The following DNAH5 variants were observed in gnomAD, a reference collection of about 807,000 sequenced individuals.
The protein encoded by DNAH5 is axonemal beta dynein heavy chain 5.
Under a neutral mutation model 518.2 loss-of-function variants are expected in DNAH5, and 372 were observed. The ratio of observed to expected loss-of-function variants is 0.72; its 90% confidence interval spans 0.66 to 0.78. The LOEUF (loss-of-function observed/expected upper bound fraction) is 0.78, where lower values mean the gene tolerates loss of function less well. DNAH5 is among the 30% of genes least tolerant of loss of function. The pLI is 0.00. For synonymous variants in DNAH5, 2,039 were observed against 2,025.9 expected (o/e 1.01, Z -0.17); for missense variants, 5,523 against 5,687.0 (o/e 0.97, Z 0.93).
chr5:13,871,477 G>T, intron 23 of DNAH5, 87 bp downstream of exon 23: 1 of 1,197,750 alleles, frequency 8.3e-7, no homozygotes, highest in Non-Finnish European at 1.2e-6. Flanking sequence ...TTTAAGACAG[G>T]TAGAACTCTC....
intron 1 of DNAH5, among the ~76,000 whole-genome samples, chr5:14,002,840 T>C (rs1008574549): frequency 2.2e-4 from 33 of 151,680 alleles, no homozygotes; most frequent in African/African-American, 7.7e-4. Context: ...TTAATAAATA[T>C]ATATATTTAT....
intron 76 of DNAH5, among the ~76,000 whole-genome samples, chr5:13,706,267 G>C (rs1340622356): frequency 1.3e-5 from 2 of 152,194 alleles, no homozygotes. Context: ...TTTCTGTCTT[G>C]ATTTCCCCCT....
chr5:13,701,484 C>T, intron 76 of DNAH5, 48 bp from the exon 77 acceptor site: 1 of 1,484,426 alleles, frequency 6.7e-7, no homozygotes, highest in Non-Finnish European at 9.4e-7. Flanking sequence ...TTTAATACTG[C>T]AGTGTAAACC....
In DNAH5 at chr5:13,923,231, T is replaced by G. The variant is rs200090848; in HGVS notation, c.438+49A>C. ...CACCAGAGGAATATTTGTGTGCAAG[T>G]TGTGTGTTTTTTGGTAATTCAGAGT... On this transcript the variant is annotated intron_variant, in intron 4 of 78. Coordinates refer to ENST00000265104, the MANE Select transcript of DNAH5 (RefSeq NM_001369.3). 6.6e-5 allele frequency: 106 copies of G among 1,605,096 alleles called. No individual in the cohort carries two copies. In the East Asian group the frequency reaches 2.3e-3, roughly 34 times the overall value.
chr5:13,985,625 G>A (rs2152070400), intron 1 of DNAH5, among the ~76,000 whole-genome samples: 1 of 152,076 alleles, frequency 6.6e-6, no homozygotes, highest in South Asian at 2.1e-4. Flanking sequence ...AGCCAACTAA[G>A]CTTGTGATTT....
In DNAH5 at chr5:13,923,265, GCTCTTGC is replaced by G; in HGVS notation, c.438+8_438+14del. ...TTTTGGTAATTCAGAGTAAACAATG[GCTCTTGC>G]CCCTTACCTGGTGGATGTTGTCAGG... On this transcript the variant is annotated splice_region_variant and intron_variant, in intron 4 of 78. Coordinates refer to ENST00000265104, the MANE Select transcript of DNAH5 (RefSeq NM_001369.3). 1 of 1,614,094 alleles carries G rather than the reference GCTCTTGC, an allele frequency of 6.2e-7. No homozygotes were observed. The highest frequency in any genetic ancestry group is 8.5e-7 in the Non-Finnish European group (1 of 1,179,968).
chr5:13,888,384 T>G (rs909909424), intron 17 of DNAH5, among the ~76,000 whole-genome samples: 1 of 152,220 alleles, frequency 6.6e-6, no homozygotes, highest in Non-Finnish European at 1.5e-5. Flanking sequence ...TGGCATGTTC[T>G]TCCACTAAAA....
At chr5:13,702,581 T>A (rs1004884271) in intron 76 of DNAH5, among the ~76,000 whole-genome samples, 5 of 152,092 alleles carry the variant, frequency 3.3e-5, no homozygotes, top group African/African-American at 1.2e-4. Context: ...TGGCCACTGA[T>A]CTGGAAGAAT....
intron 1 of DNAH5, among the ~76,000 whole-genome samples, chr5:13,958,854 A>G (rs1024804591): frequency 2.0e-5 from 3 of 152,214 alleles, no homozygotes; most frequent in African/African-American, 7.2e-5. Context: ...AGAACACACA[A>G]AACCTTAATG....
intron 1 of DNAH5, among the ~76,000 whole-genome samples, chr5:13,937,651 T>C (rs1230672476): frequency 6.8e-6 from 1 of 146,318 alleles, no homozygotes; most frequent in Non-Finnish European, 1.5e-5. Flanking sequence ...GGGAAAGGAA[T>C]GGGTTCTGCA....
Position 13,758,826 on chromosome 5 carries a change from C to T in DNAH5, c.10419+20G>A, listed in dbSNP as rs754483154. ...CCGTGTAGATATGTGACAGTCCCTG[C>T]CATGACAAAGGGCAGTTACCTGCTT... On this transcript the variant is annotated intron_variant, in intron 61 of 78. Coordinates refer to ENST00000265104, the MANE Select transcript of DNAH5 (RefSeq NM_001369.3). 6.2e-6 allele frequency: 10 copies of T among 1,613,590 alleles called. No individual in the cohort carries two copies. Among genetic ancestry groups the T allele is most frequent in the South Asian group, 5.5e-5 (5 of 91,064 alleles).
At chr5:13,952,332 C>T (rs2152037547) in intron 1 of DNAH5, among the ~76,000 whole-genome samples, 1 of 152,326 alleles carries the variant, frequency 6.6e-6, no homozygotes, top group Middle Eastern at 3.4e-3. Flanking sequence ...AGAGCAAATC[C>T]ATTTTTTTAA....
intron 47 of DNAH5, among the ~76,000 whole-genome samples, chr5:13,798,753 T>C (rs1758251303): frequency 8.2e-6 from 1 of 121,838 alleles, no homozygotes; most frequent in African/African-American, 3.7e-5. Context: ...TATTTATTTA[T>C]TTATTTATTT....
At chr5:13,697,107 G>C (rs1347981341) in intron 78 of DNAH5, among the ~76,000 whole-genome samples, 2 of 152,092 alleles carry the variant, frequency 1.3e-5, no homozygotes, top group African/African-American at 4.8e-5. Flanking sequence ...CTGGAAAAAG[G>C]TTTTTATTTC....
intron 22 of DNAH5, among the ~76,000 whole-genome samples, chr5:13,873,014 C>T (rs1347931386): frequency 6.6e-6 from 1 of 152,164 alleles, no homozygotes. Flanking sequence ...ATACAATGTA[C>T]ATTATTTGGG....
intron 75 of DNAH5, among the ~76,000 whole-genome samples, chr5:13,713,244 CAT>C (rs1391695146): frequency 9.2e-5 from 13 of 141,798 alleles, no homozygotes; most frequent in Non-Finnish European, 1.8e-4. Context: ...TATATACCAA[CAT>C]ATATATATAC....
At chr5:13,958,471 T>TAAAAATAA (rs2152043533) in intron 1 of DNAH5, among the ~76,000 whole-genome samples, 1 of 152,296 alleles carries the variant, frequency 6.6e-6, no homozygotes, top group African/African-American at 2.4e-5. Context: ...TTTCTTCTGA[T>TAAAAATAA]AATTTTCTTT....
chr5:13,983,116 A>G (rs1177439081), intron 1 of DNAH5, among the ~76,000 whole-genome samples: 1 of 152,076 alleles, frequency 6.6e-6, no homozygotes, highest in Non-Finnish European at 1.5e-5. Flanking sequence ...GATTTTTCTG[A>G]CTCCTAGTTG....
At chr5:13,701,136 C>T in intron 77 of DNAH5, 148 bp downstream of exon 77, 2 of 1,092,136 alleles carry the variant, frequency 1.8e-6, no homozygotes, top group Non-Finnish European at 2.7e-6. Flanking sequence ...GAACAACTGG[C>T]TGGGATTTAT....
Sources: gnomAD v4.1 joint callset for allele counts (sites outside exome capture counted in the v4.1 genomes callset) on GRCh38, gnomAD v4.1.1 for gene constraint, MANE v1.5 for transcripts, NCBI Gene and HGNC (gene_info 2026-07-23, HGNC 2026-07-21) for gene names.